The following ZNF710 variants were observed in gnomAD, a reference collection of about 807,000 sequenced individuals.
ZNF710 encodes zinc finger protein 710.
In ZNF710, 13 loss-of-function variants were observed where a neutral mutation model predicts 50.6. The observed-to-expected ratio is 0.26, with a 90% confidence interval of 0.17 to 0.41. The LOEUF (loss-of-function observed/expected upper bound fraction) is 0.41. Ranked by LOEUF, ZNF710 falls within the 10% of genes least tolerant of loss-of-function variation. The probability of loss-of-function intolerance (pLI) is 1.00; values close to 1 mark genes in which losing one functional copy is unlikely to be tolerated. For synonymous variants in ZNF710, 383 were observed against 397.0 expected (o/e 0.96, Z 0.42); for missense variants, 721 against 936.6 (o/e 0.77, Z 3.01).
chr15:90,072,514 T>G (rs1388880471), intron 2 of ZNF710, among the ~76,000 whole-genome samples: 1 of 152,108 alleles, frequency 6.6e-6, no homozygotes, highest in African/African-American at 2.4e-5. Flanking sequence ...GTGCCATTTT[T>G]GGGGGGGTGT....
intron 1 of ZNF710, among the ~76,000 whole-genome samples, chr15:90,021,369 C>G (rs1409936864): frequency 6.6e-6 from 1 of 152,332 alleles, no homozygotes; most frequent in East Asian, 1.9e-4. Flanking sequence ...ACAGCCTCCC[C>G]AAGCCTTGGT....
intron 1 of ZNF710, chr15:90,006,955 G>A (rs1462169181): frequency 6.5e-6 from 1 of 154,560 alleles, no homozygotes; most frequent in Non-Finnish European, 1.5e-5. Flanking sequence ...TCTGATGTTT[G>A]GCTTTTTCCA....
intron 1 of ZNF710, among the ~76,000 whole-genome samples, chr15:90,041,945 T>G (rs527493161): frequency 3.2e-3 from 474 of 150,272 alleles, no homozygotes; most frequent in Middle Eastern, 6.8e-3. Context: ...TTGCCCAGGC[T>G]TGAGTGCAGT....
intron 1 of ZNF710, among the ~76,000 whole-genome samples, chr15:90,045,983 C>T (rs1265904580): frequency 6.6e-6 from 1 of 152,142 alleles, no homozygotes; most frequent in East Asian, 1.9e-4. Context: ...GAAAAAGGGA[C>T]CTGGTCACAC....
At chr15:90,001,940 G>C (rs1268123830) in intron 1 of ZNF710, among the ~76,000 whole-genome samples, 4 of 144,400 alleles carry the variant, frequency 2.8e-5, no homozygotes, top group Non-Finnish European at 4.6e-5. Flanking sequence ...GAGCGAAAGA[G>C]GGCGAGAGGG....
chr15:90,024,467 TC>T (rs1898714043), intron 1 of ZNF710, among the ~76,000 whole-genome samples: 1 of 152,142 alleles, frequency 6.6e-6, no homozygotes, highest in Non-Finnish European at 1.5e-5. Flanking sequence ...AGGATTCAGA[TC>T]CATGAGAATG....
chr15:90,050,768 G>GT (rs538660144), intron 1 of ZNF710, among the ~76,000 whole-genome samples: 157 of 143,262 alleles, frequency 1.1e-3, no homozygotes, highest in Middle Eastern at 3.6e-3. Flanking sequence ...CCTTAAGTTT[G>GT]TTTTTTTTTT....
chr15:90,006,942 T>A (rs1383632227), intron 1 of ZNF710: 1 of 154,724 alleles, frequency 6.5e-6, no homozygotes, highest in Non-Finnish European at 1.5e-5. Flanking sequence ...CTGGGGTGAC[T>A]TCTCTGATGT....
In ZNF710 at chr15:90,068,705, C is replaced by A; in HGVS notation, c.1458+110C>A. ...CATTTAGGTGGTCTCCTAGTTTTATCGTTACGTACTTATTTTGATGAGTAT... is the reference window on the plus strand; with the variant it reads ...CATTTAGGTGGTCTCCTAGTTTTATAGTTACGTACTTATTTTGATGAGTAT... On this transcript the variant is annotated intron_variant, in intron 2 of 4. Coordinates refer to ENST00000268154, the MANE Select transcript of ZNF710 (RefSeq NM_198526.4). This position sits in a 1 kb window ranked among gnomAD's most constrained non-coding sequence, Gnocchi z 5.0. 8.2e-7 allele frequency: 1 copy of A among 1,213,892 alleles called. No homozygotes were observed. The highest frequency in any genetic ancestry group is 1.1e-6 in the Non-Finnish European group (1 of 877,208). The allele number at this position is 1,213,892 out of a possible 1,614,324, so 75.2% of individuals were successfully genotyped here.
chr15:90,026,771 A>G (rs1898793594), intron 1 of ZNF710, among the ~76,000 whole-genome samples: 1 of 152,240 alleles, frequency 6.6e-6, no homozygotes, highest in African/African-American at 2.4e-5. Context: ...TTAAAAAAGT[A>G]AAACCGTATT....
chr15:90,032,057 C>T (rs984498495), intron 1 of ZNF710, among the ~76,000 whole-genome samples: 4 of 152,180 alleles, frequency 2.6e-5, no homozygotes, highest in African/African-American at 9.7e-5. Context: ...AGTGCAGTGG[C>T]GCGATCTCAG....
Position 90,068,396 on chromosome 15 carries a change from C to T in ZNF710, c.1259C>T (p.Thr420Ile). The change falls in exon 2 of 5, where the codon ACC becomes ATC. Residue 420 changes from threonine to isoleucine, a missense_variant. By Grantham distance (89) the Thr-to-Ile change is moderately conservative (BLOSUM62 -1). Around this residue, in one of 3 missense-constraint regions of ZNF710, gnomAD observed 326 missense variants for 522.0 expected, o/e 0.62. Transcript: ENST00000268154. This position sits in a 1 kb window ranked among gnomAD's most constrained non-coding sequence, Gnocchi z 5.0. ...VECGLDFSTL[T>I]QLKRHLASHQ... ...TGCGGCCTGGACTTCTCCACCCTGA[C>T]CCAGCTCAAGCGCCACCTGGCCTCC... The T allele has an allele frequency of 6.2e-7, 1 of 1,613,548 alleles. No individual in the cohort carries two copies.
At chr15:90,054,895 G>A (rs1431198516) in intron 1 of ZNF710, among the ~76,000 whole-genome samples, 1 of 152,182 alleles carries the variant, frequency 6.6e-6, no homozygotes, top group Non-Finnish European at 1.5e-5. Flanking sequence ...AAAGCTCAGG[G>A]AAAAGAGGCG....
intron 4 of ZNF710, chr15:90,074,580 C>G: frequency 7.8e-7 from 1 of 1,281,418 alleles, no homozygotes; most frequent in South Asian, 1.4e-5. Context: ...CTCATGTGAT[C>G]CTCAAAGCGA....
chr15:90,014,068 T>C (rs1266653794), intron 1 of ZNF710, among the ~76,000 whole-genome samples: 1 of 150,836 alleles, frequency 6.6e-6, no homozygotes, highest in Non-Finnish European at 1.5e-5. Context: ...TCTCTTCTTT[T>C]TGAATAGTAA....
In ZNF710 at chr15:90,074,133, C is replaced by T. The variant is rs1567246144; in HGVS notation, c.1668C>T (p.Phe556=). The change falls in exon 4 of 5, where the codon TTC becomes TTT. Residue 556 remains phenylalanine (F), a synonymous_variant. Coordinates refer to ENST00000268154, the MANE Select transcript of ZNF710 (RefSeq NM_198526.4). The stretch of plus-strand genomic sequence containing the variant: ...TGTTCTAGGTGTGCGGGAAGTCCTT[C>T]AACCGCATGTACAACCTGCTGGGCC... ...PFKCKVCGKS[F]NRMYNLLGHM... 2 of 1,613,338 alleles carry T rather than the reference C, an allele frequency of 1.2e-6. No homozygotes were observed. Among genetic ancestry groups the T allele is most frequent in the Non-Finnish European group, 1.7e-6 (2 of 1,179,702 alleles).
chr15:90,017,048 C>T (rs1223132323), intron 1 of ZNF710, among the ~76,000 whole-genome samples: 1 of 152,204 alleles, frequency 6.6e-6, no homozygotes, highest in African/African-American at 2.4e-5. Flanking sequence ...CAGGTAGGTG[C>T]CAGCTGCTGC....
chr15:90,051,723 T>TACACCA lies in ZNF710; in HGVS notation c.-28-15387_-28-15386insACACCA, dbSNP rs1332865584. ...TATTCTCTGGTGTACCTGGTAACCG[T>TACACCA]GGGTGAATCACTCAACTCCTGTGCC... is the stretch of plus-strand genomic sequence containing the variant. On this transcript the variant is annotated intron_variant, in intron 1 of 4. Transcript: ENST00000268154. 2.6e-5 allele frequency among the ~76,000 whole-genome samples: 4 copies of TACACCA among 152,202 alleles called. No homozygotes were observed. In the South Asian group the frequency reaches 6.2e-4, roughly 24 times the overall value.
Position 90,041,111 on chromosome 15 carries a change from T to G in ZNF710, c.-28-25999T>G, listed in dbSNP as rs191951253. On this transcript the variant is annotated intron_variant, in intron 1 of 4. Transcript: ENST00000268154. ...GATTAGGAAAACATCTATTGGATGTTTATCTATTGGTTCACTGATCAATTC... is the reference window on the plus strand; with the variant it reads ...GATTAGGAAAACATCTATTGGATGTGTATCTATTGGTTCACTGATCAATTC... 4.4e-3 allele frequency among the ~76,000 whole-genome samples: 664 copies of G among 152,356 alleles called. 4 individuals carry two copies. Among genetic ancestry groups the G allele is most frequent in the African/African-American group, 0.015 (639 of 41,584 alleles).
Sources: allele counts gnomAD v4.1 joint callset (sites outside exome capture counted in the v4.1 genomes callset), GRCh38; gene constraint gnomAD v4.1.1; regional missense constraint gnomAD v4.1.1; non-coding constraint Gnocchi (gnomAD v3.1); transcripts MANE v1.5; gene names NCBI Gene and HGNC (gene_info 2026-07-23, HGNC 2026-07-21).